Variants in RAG1 observed in about 807,000 individuals in gnomAD.
RAG1 encodes V(D)J recombination-activating protein 1.
In RAG1, 35 loss-of-function variants were observed where a neutral mutation model predicts 62.7. The observed-to-expected ratio is 0.56, with a 90% CI of 0.43 to 0.74. The LOEUF (loss-of-function observed/expected upper bound fraction) is 0.74, where lower values mean the gene tolerates loss of function less well. Ranked by LOEUF, RAG1 falls within the 30% of genes least tolerant of loss-of-function variation. The pLI, the probability that RAG1 is intolerant of heterozygous loss-of-function variation, is 0.00. For missense variants in RAG1, 1,169 were observed against 1,278.6 expected, an observed-to-expected ratio of 0.91 and a Z score of 1.31; for synonymous variants, 461 against 470.3, an observed-to-expected ratio of 0.98 and a Z score of 0.26.
chr11:36,575,314 G>A lies in RAG1; in HGVS notation c.2010G>A (p.Thr670=), dbSNP rs769576393. ...LMLADESDHE[T]LTAILSPLIA... Reference sequence around the variant, plus strand: ...TGGCAGATGAGTCTGACCACGAGACGCTGACTGCCATCCTGAGTCCTCTCA... The same window carrying A: ...TGGCAGATGAGTCTGACCACGAGACACTGACTGCCATCCTGAGTCCTCTCA... Residue 670 remains threonine (T), a synonymous_variant, in exon 2 of 2, where the codon ACG becomes ACA. Transcript: ENST00000299440. The surrounding 1 kb of genome is among the most constrained non-coding windows in gnomAD (Gnocchi z 4.1). 1.2e-5 allele frequency: 20 copies of A among 1,614,046 alleles called. No homozygotes were observed. Among genetic ancestry groups the A allele is most frequent in the African/African-American group, 2.7e-5 (2 of 74,932 alleles).
At chr11:36,520,880 G>A (rs1476625249) in intron 2 of RAG1, among the ~76,000 whole-genome samples, 2 of 151,642 alleles carry the variant, frequency 1.3e-5, no homozygotes, top group Non-Finnish European at 2.9e-5. Context: ...TCAATGGTTT[G>A]AGAGTAAGGG....
intron 2 of RAG1, among the ~76,000 whole-genome samples, chr11:36,526,657 A>C (rs1278643146): frequency 6.6e-6 from 1 of 152,192 alleles, no homozygotes; most frequent in Non-Finnish European, 1.5e-5. Context: ...GAATTGCCAC[A>C]CTGTCTTCCA....
chr11:36,540,079 G>A (rs1468502483), downstream of RAG1, among the ~76,000 whole-genome samples: 1 of 152,194 alleles, frequency 6.6e-6, no homozygotes, highest in African/African-American at 2.4e-5. Context: ...GTGCTAGAGG[G>A]CTGGTCGTGT....
At position 36,574,630 on chromosome 11, in the gene RAG1, G is replaced by C. The variant is rs1434226899; in HGVS notation, c.1326G>C (p.Leu442=). ...SVCMTLFLLA[L]RARNEHRQAD... is the part of the protein sequence containing the mutation. Reference sequence around the variant, plus strand: ...GCATGACCTTGTTCCTGCTGGCTCTGAGGGCGAGGAATGAGCACAGGCAAG... The same window carrying C: ...GCATGACCTTGTTCCTGCTGGCTCTCAGGGCGAGGAATGAGCACAGGCAAG... The change falls in exon 2 of 2, where the codon CTG becomes CTC. Residue 442 remains leucine (L), a synonymous_variant. Coordinates refer to ENST00000299440, the MANE Select transcript of RAG1 (RefSeq NM_000448.3). 6.2e-7 allele frequency: 1 copy of C among 1,614,118 alleles called. No homozygotes were observed. The highest frequency in any genetic ancestry group is 8.5e-7 in the Non-Finnish European group (1 of 1,180,048).
chr11:36,559,461 C>T (rs1850551623), intron 3 of RAG1, among the ~76,000 whole-genome samples: 1 of 152,134 alleles, frequency 6.6e-6, no homozygotes, highest in African/African-American at 2.4e-5. Context: ...AGTTTCTCTG[C>T]CTTTTCCCTC....
chr11:36,571,949 T>C (rs1275587196), intron 1 of RAG1, among the ~76,000 whole-genome samples: 1 of 152,126 alleles, frequency 6.6e-6, no homozygotes, highest in African/African-American at 2.4e-5. Flanking sequence ...GTGTGATGCA[T>C]GTAAGATAGA....
chr11:36,568,303 C>T (rs536093421), intron 1 of RAG1, among the ~76,000 whole-genome samples, 181 bp downstream of exon 1: 2 of 152,082 alleles, frequency 1.3e-5, no homozygotes, highest in South Asian at 2.1e-4. Context: ...TTTAGGGCCA[C>T]TGAAGGTTCA....
intron 2 of RAG1, among the ~76,000 whole-genome samples, chr11:36,529,487 C>T (rs1417899123): frequency 5.3e-5 from 8 of 152,116 alleles, no homozygotes; most frequent in East Asian, 1.9e-4. Context: ...ATTGATGGAA[C>T]GTATCTCAAA....
At chr11:36,564,009 G>T (rs1044650231), upstream of RAG1, among the ~76,000 whole-genome samples, 16 of 152,304 alleles carry the variant, frequency 1.1e-4, no homozygotes, top group African/African-American at 3.6e-4. Context: ...GAGGTAAGTA[G>T]GATGAGGAGG....
At chr11:36,536,201 G>C (rs1860324150), downstream of RAG1, among the ~76,000 whole-genome samples, 1 of 152,090 alleles carries the variant, frequency 6.6e-6, no homozygotes, top group Non-Finnish European at 1.5e-5. Context: ...ATGAAATGAA[G>C]TACTATTAGT....
At chr11:36,527,381 A>G (rs1444546153) in intron 2 of RAG1, among the ~76,000 whole-genome samples, 1 of 152,154 alleles carries the variant, frequency 6.6e-6, no homozygotes, top group African/African-American at 2.4e-5. Flanking sequence ...TTTGTCAAAG[A>G]TCAGATTGTT....
At position 36,575,066 on chromosome 11, in the gene RAG1, G is replaced by A. The variant is rs1850820637; in HGVS notation, c.1762G>A (p.Asp588Asn). The change falls in exon 2 of 2, where the codon GAT becomes AAT. Residue 588 changes from aspartate to asparagine, a missense_variant. Coordinates refer to ENST00000299440, the MANE Select transcript of RAG1 (RefSeq NM_000448.3). This position sits in a 1 kb window ranked among gnomAD's most constrained non-coding sequence, Gnocchi z 4.1. ...AGGCATGAGATCCCAAGACCTTGAT[G>A]ATTACCTGAATGGCCCCTTCACTGT... is the stretch of plus-strand genomic sequence containing the variant. ...LEGMRSQDLD[D>N]YLNGPFTVVV... 6.2e-7 allele frequency: 1 copy of A among 1,614,166 alleles called. No individual in the cohort carries two copies. The highest frequency in any genetic ancestry group is 1.6e-4 in the Middle Eastern group (1 of 6,062).
chr11:36,570,107 C>A (rs1850718134), intron 1 of RAG1, among the ~76,000 whole-genome samples: 1 of 152,100 alleles, frequency 6.6e-6, no homozygotes, highest in Non-Finnish European at 1.5e-5. Flanking sequence ...GCTTTTGAAA[C>A]AAATCTCTCT....
rs1161304675 is a variant in RAG1 at position 36,576,556 on chromosome 11, G to T, written c.*120G>T. ...GGCTTCACCATCCAAGAGGTGGTAG[G>T]TTGGAGTAAGATGCTACAGATGCTC... On this transcript the variant is annotated 3_prime_UTR_variant, in exon 2 of 2. Coordinates refer to ENST00000299440, the MANE Select transcript of RAG1 (RefSeq NM_000448.3). The T allele has an allele frequency of 1.2e-5, 15 of 1,234,248 alleles. No individual in the cohort carries two copies. Among genetic ancestry groups the T allele is most frequent in the Non-Finnish European group, 1.8e-5 (15 of 849,784 alleles). The allele number at this position is 1,234,248 out of a possible 1,614,324, so 76.5% of individuals were successfully genotyped here.
intron 2 of RAG1, among the ~76,000 whole-genome samples, chr11:36,528,982 T>G (rs1306292033): frequency 6.6e-6 from 1 of 152,160 alleles, no homozygotes; most frequent in Admixed American, 6.5e-5. Context: ...TAACAGGTTC[T>G]GAAATTGGGG....
intron 3 of RAG1, among the ~76,000 whole-genome samples, chr11:36,542,687 G>A (rs1379517484): frequency 1.3e-5 from 2 of 152,176 alleles, no homozygotes; most frequent in African/African-American, 2.4e-5. Flanking sequence ...GGCATTGAAT[G>A]GTACAGAAAA....
chr11:36,571,490 T>G (rs1034464915), intron 1 of RAG1, among the ~76,000 whole-genome samples: 1 of 152,156 alleles, frequency 6.6e-6, no homozygotes, highest in African/African-American at 2.4e-5. Flanking sequence ...TTTTTTGAGG[T>G]TAATGAGACA....
intron 1 of RAG1, among the ~76,000 whole-genome samples, chr11:36,513,315 C>T (rs113301831): frequency 0.02 from 3,086 of 152,218 alleles, 56 homozygotes; most frequent in Middle Eastern, 0.044. Flanking sequence ...CAATATCATT[C>T]CTGGGTTGCT....
exon 1 of RAG1, chr11:36,510,804 TTC>T (rs776636706): frequency 1.3e-5 from 2 of 152,258 alleles, no homozygotes; most frequent in Non-Finnish European, 2.9e-5. Flanking sequence ...CGCTTTGTCT[TTC>T]TCTGTCATGG....
Sources: gnomAD v4.1 joint callset for allele counts (sites outside exome capture counted in the v4.1 genomes callset) on GRCh38, gnomAD v4.1.1 for gene constraint, Gnocchi (gnomAD v3.1) non-coding constraint, MANE v1.5 for transcripts, NCBI Gene and HGNC (gene_info 2026-07-23, HGNC 2026-07-21) for gene names.